TTC13: variants seen among roughly 807,000 people sequenced by gnomAD.
TTC13 encodes the protein tetratricopeptide repeat protein 13.
TTC13 carries 62 observed loss-of-function variants against 120.0 expected under a neutral mutation model. That is an observed-to-expected ratio of 0.52 (90% confidence interval 0.42 to 0.64). The LOEUF (loss-of-function observed/expected upper bound fraction) is 0.64. Among genes scored for constraint, TTC13 ranks in the 30% least tolerant of loss-of-function variants. The pLI, the probability that TTC13 is intolerant of heterozygous loss-of-function variation, is 0.00. For synonymous variants in TTC13, 384 were observed against 393.5 expected (o/e 0.98, Z 0.28); for missense variants, 824 against 1,050.2 (o/e 0.78, Z 2.98).
intron 1 of TTC13, 133 bp from the exon 2 acceptor site, chr1:230,961,436 C>T (rs1345943774): frequency 4.7e-6 from 3 of 634,718 alleles, no homozygotes; most frequent in Admixed American, 2.8e-5. Context: ...AAGTGGCAAC[C>T]AGCTGGGCAC....
intron 3 of TTC13, chr1:230,956,586 G>A: frequency 2.5e-6 from 1 of 393,758 alleles, no homozygotes; most frequent in Non-Finnish European, 4.9e-6. Context: ...ATCAATCAAT[G>A]AGCCATAAAA....
chr1:230,978,691 T>C lies in TTC13; in HGVS notation c.140A>G (p.Glu47Gly). Residue 47 changes from glutamate (E) to glycine (G), a missense_variant, in exon 1 of 23, where the codon GAG (glutamate) becomes GGG (glycine). Coordinates refer to ENST00000366661, the MANE Select transcript of TTC13 (RefSeq NM_024525.5). This position sits in a 1 kb window ranked among gnomAD's most constrained non-coding sequence, Gnocchi z 5.6. ...GAGCAGGGAGAGCGGCGAGTAGTGC[T>C]CGGTGGCCAGGGCGCCTGGCCGCAG... is the stretch of plus-strand genomic sequence containing the variant. ...AGLRPGALAT[E>G]HYSPLSLLKQ... The C allele has an allele frequency of 6.7e-7, 1 of 1,494,748 alleles. No homozygotes were observed. Among genetic ancestry groups the C allele is most frequent in the African/African-American group, 1.5e-5 (1 of 68,566 alleles). 92.6% of individuals were successfully genotyped at this position (1,494,748 alleles called of 1,614,324 possible).
chr1:230,911,398 T>C (rs1416997817), intron 20 of TTC13, 72 bp downstream of exon 20: 6 of 1,188,732 alleles, frequency 5.0e-6, no homozygotes, highest in Non-Finnish European at 7.1e-6. Context: ...CCTATATCCA[T>C]AACAGGAAGG....
At chr1:230,923,706 G>A (rs1672797270) in intron 15 of TTC13, 135 bp downstream of exon 15, 2 of 674,678 alleles carry the variant, frequency 3.0e-6, no homozygotes, top group South Asian at 1.9e-5. Context: ...GACTCCACAG[G>A]TGCAGAGTCA....
In TTC13 at chr1:230,943,854, T is replaced by C; in HGVS notation, c.624A>G (p.Val208=). The C allele has an allele frequency of 6.2e-7, 1 of 1,612,288 alleles. No individual in the cohort carries two copies. The highest frequency in any genetic ancestry group is 8.5e-7 in the Non-Finnish European group (1 of 1,178,734). The change falls in exon 6 of 23, where the codon GTA becomes GTG. Residue 208 remains valine, a synonymous_variant. Transcript: ENST00000366661. ...CTGGACGATCTGGTTCCAAGGTAAT[T>C]ACTCGGCTCAGTTCGAACAGAGCAA... is the stretch of plus-strand genomic sequence containing the variant. ...AELALFELSR[V]ITLEPDRPEV... is the part of the protein sequence containing the mutation.
At chr1:230,923,805 C>A in intron 15 of TTC13, 36 bp downstream of exon 15, 1 of 1,568,328 alleles carries the variant, frequency 6.4e-7, no homozygotes. Context: ...GAATAAACTC[C>A]TAGGAAAAGA....
At chr1:230,963,927 T>C (rs1345637310) in intron 1 of TTC13, among the ~76,000 whole-genome samples, 1 of 152,132 alleles carries the variant, frequency 6.6e-6, no homozygotes, top group Non-Finnish European at 1.5e-5. Flanking sequence ...AAAATGAAGA[T>C]AGTAATGGTT....
intron 12 of TTC13, among the ~76,000 whole-genome samples, chr1:230,927,678 G>T (rs535225961): frequency 7.8e-4 from 118 of 152,150 alleles, no homozygotes; most frequent in African/African-American, 2.6e-3. Flanking sequence ...TTTGTTGAAC[G>T]GAAGTTCTTA....
chr1:230,934,606 G>A (rs1398815079), intron 8 of TTC13, among the ~76,000 whole-genome samples: 7 of 152,170 alleles, frequency 4.6e-5, no homozygotes. Context: ...TTCTATTTAA[G>A]TAGAAACAAC....
At chr1:230,958,633 C>T (rs976992889) in intron 2 of TTC13, among the ~76,000 whole-genome samples, 1 of 152,158 alleles carries the variant, frequency 6.6e-6, no homozygotes, top group African/African-American at 2.4e-5. Context: ...GAACATGAGC[C>T]CTTCCTCTTT....
chr1:230,966,187 A>G (rs1445014990), intron 1 of TTC13, among the ~76,000 whole-genome samples: 1 of 152,168 alleles, frequency 6.6e-6, no homozygotes, highest in Non-Finnish European at 1.5e-5. Context: ...AATTGTACAT[A>G]TGGGGTAGAG....
chr1:230,967,668 C>T (rs1316450125), intron 1 of TTC13, among the ~76,000 whole-genome samples: 1 of 152,048 alleles, frequency 6.6e-6, no homozygotes, highest in Non-Finnish European at 1.5e-5. Context: ...AAAATAGTTG[C>T]TAGAGTTATA....
chr1:230,924,851 T>G lies in TTC13; in HGVS notation c.1711A>C (p.Lys571Gln). The G allele has an allele frequency of 6.2e-7, 1 of 1,614,224 alleles. No homozygotes were observed. Among genetic ancestry groups the G allele is most frequent in the East Asian group, 2.2e-5 (1 of 44,878 alleles). ...QWRDMFDIAVKWRRIADPDQP... is the reference protein window; with the variant it reads ...QWRDMFDIAVQWRRIADPDQP... Reference sequence around the variant, plus strand: ...TGAGATGTTAGTTACCTTCTCCATTTAACTGCAATGTCAAACATGTCTCTC... The same window carrying G: ...TGAGATGTTAGTTACCTTCTCCATTGAACTGCAATGTCAAACATGTCTCTC... Residue 571 changes from lysine (K) to glutamine (Q), a missense_variant, in exon 14 of 23, where the codon AAA becomes CAA. Physicochemically the swap from Lys to Gln is moderately conservative, Grantham distance 53 (BLOSUM62 1). Around this residue, in one of 4 missense-constraint regions of TTC13, gnomAD observed 430 missense variants for 626.8 expected, o/e 0.69. Transcript: ENST00000366661.
In TTC13 at chr1:230,911,543, C is replaced by T. The variant is rs761366510; in HGVS notation, c.2236G>A (p.Asp746Asn). ...LILSSEFGEA[D>N]AVCNLILSLV... ...GATAAGATTAAGTTGCAGACAGCAT[C>T]AGCCTCCTAGAAAAAAAAGATACAG... The change falls in exon 20 of 23, where the codon GAT becomes AAT. Residue 746 changes from aspartate (D) to asparagine (N), a missense_variant. Physicochemically the swap from Asp to Asn is conservative, Grantham distance 23. This residue lies in a region of TTC13 where 226 missense variants were observed against 259.1 expected (regional missense o/e 0.87). Coordinates refer to ENST00000366661, the MANE Select transcript of TTC13 (RefSeq NM_024525.5). The T allele has an allele frequency of 1.9e-6, 3 of 1,564,582 alleles. No homozygotes were observed. In the South Asian group the frequency reaches 3.5e-5, roughly 18 times the overall value.
chr1:230,945,941 A>G (rs1229759093), intron 4 of TTC13, among the ~76,000 whole-genome samples: 1 of 152,230 alleles, frequency 6.6e-6, no homozygotes, highest in Non-Finnish European at 1.5e-5. Context: ...ATGAGGCTGC[A>G]CTGAAATCTG....
chr1:230,912,653 T>C lies in TTC13; in HGVS notation c.2199A>G (p.Gly733=), dbSNP rs1258070738. Residue 733 remains glycine, a synonymous_variant, in exon 19 of 23, where the codon GGA becomes GGG. Transcript: ENST00000366661. ...DALYKDLTAK[G]KVLILSSEFG... ...ATTCTGATGAAAGAATCAATACTTT[T>C]CCTTTTGCTGTCAAATCTTTATAAA... The C allele has an allele frequency of 1.2e-6, 2 of 1,612,494 alleles. No homozygotes were observed. Among genetic ancestry groups the C allele is most frequent in the South Asian group, 2.2e-5 (2 of 90,742 alleles).
At chr1:230,948,519 G>A (rs1253668818) in intron 4 of TTC13, among the ~76,000 whole-genome samples, 2 of 150,216 alleles carry the variant, frequency 1.3e-5, no homozygotes, top group Non-Finnish European at 3.0e-5. Context: ...TAAAGACAGG[G>A]TCTCACTCTG....
chr1:230,976,977 T>A lies in TTC13; in HGVS notation c.271+1583A>T, dbSNP rs576843777. 2.2e-4 allele frequency among the ~76,000 whole-genome samples: 34 copies of A among 152,324 alleles called. No homozygotes were observed. In the South Asian group the frequency reaches 6.6e-3, roughly 30 times the overall value. ...AGGAGAAAGGGAAATTTACCCAACA[T>A]GCACCATATGCAAGTAAATACTTCA... On this transcript the variant is annotated intron_variant, in intron 1 of 22. Coordinates refer to ENST00000366661, the MANE Select transcript of TTC13 (RefSeq NM_024525.5).
At chr1:230,971,056 C>A (rs1677680092) in intron 1 of TTC13, among the ~76,000 whole-genome samples, 1 of 152,110 alleles carries the variant, frequency 6.6e-6, no homozygotes. Context: ...TATAAGACAA[C>A]CACAGGTGGC....
Sources: gnomAD v4.1 joint callset for allele counts (sites outside exome capture counted in the v4.1 genomes callset) on GRCh38, gnomAD v4.1.1 for gene constraint, gnomAD v4.1.1 regional missense constraint, Gnocchi (gnomAD v3.1) non-coding constraint, MANE v1.5 for transcripts, NCBI Gene and HGNC (gene_info 2026-07-23, HGNC 2026-07-21) for gene names.